Variants in POF1B observed in about 807,000 individuals in gnomAD.
The protein encoded by POF1B is protein POF1B.
Under a neutral mutation model 55.3 loss-of-function variants are expected in POF1B, and 53 were observed. That is an observed-to-expected ratio of 0.96 (90% confidence interval 0.77 to 1.20). POF1B has a LOEUF of 1.20. Ranked by LOEUF, POF1B falls within the 50% of genes most tolerant of loss-of-function variation. The pLI is 0.00. For missense variants in POF1B, 478 were observed against 420.5 expected (o/e 1.14, Z -1.20); for synonymous variants, 188 against 148.3 (o/e 1.27, Z -1.95).
In POF1B at chrX:85,279,305, C is replaced by T. The variant is rs908553818; in HGVS notation, c.*116G>A. ...TTCCATTAGATTTCTTGGGTAGCAGCATGGTTCCAAATTCTGATTGGCCTT... is the reference window on the plus strand; with the variant it reads ...TTCCATTAGATTTCTTGGGTAGCAGTATGGTTCCAAATTCTGATTGGCCTT... On this transcript the variant is annotated 3_prime_UTR_variant, in exon 17 of 17. Transcript: ENST00000262753. The T allele has an allele frequency of 5.5e-6, 4 of 726,297 alleles. No individual in the cohort carries two copies. The highest frequency in any genetic ancestry group is 6.1e-6 in the Non-Finnish European group (3 of 489,409). The allele number at this position is 726,297 out of a possible 1,213,427, so 59.9% of individuals were successfully genotyped here.
chrX:85,288,190 T>C (rs765708174), intron 15 of POF1B, among the ~76,000 whole-genome samples: 63 of 111,464 alleles, frequency 5.7e-4, no homozygotes, highest in Non-Finnish European at 9.8e-4. Flanking sequence ...GTTAAGAACA[T>C]TGAAAGTCTG....
intron 2 of POF1B, among the ~76,000 whole-genome samples, chrX:85,369,904 CTAA>C (rs1345572453): frequency 2.7e-5 from 3 of 111,757 alleles, no homozygotes. Context: ...TAGGCTGGGG[CTAA>C]TAATATTATA....
intron 6 of POF1B, among the ~76,000 whole-genome samples, chrX:85,334,097 G>A (rs1441393376): frequency 1.8e-5 from 2 of 111,055 alleles, no homozygotes; most frequent in Non-Finnish European, 3.8e-5. Flanking sequence ...GCTCTTTGGA[G>A]CTTCTTAATT....
intron 7 of POF1B, among the ~76,000 whole-genome samples, chrX:85,330,638 A>T (rs1321421982): frequency 9.0e-6 from 1 of 111,107 alleles, no homozygotes; most frequent in African/African-American, 3.3e-5. Context: ...ATTAACTCTT[A>T]AAATGAGACA....
chrX:85,283,037 G>T (rs1931943309), intron 15 of POF1B, among the ~76,000 whole-genome samples: 1 of 111,341 alleles, frequency 9.0e-6, no homozygotes. Context: ...GATAAAATTA[G>T]CCTCAAAGTA....
At chrX:85,352,619 A>G (rs968840661) in intron 4 of POF1B, among the ~76,000 whole-genome samples, 2 of 111,542 alleles carry the variant, frequency 1.8e-5, no homozygotes, top group Non-Finnish European at 3.8e-5. Context: ...TATTAAATCT[A>G]AAGCTGGATA....
At chrX:85,363,983 A>C (rs1184608406) in intron 3 of POF1B, among the ~76,000 whole-genome samples, 1 of 111,979 alleles carries the variant, frequency 8.9e-6, no homozygotes, top group Non-Finnish European at 1.9e-5. Flanking sequence ...TTAAATTGAA[A>C]TCTTTACTAT....
intron 5 of POF1B, among the ~76,000 whole-genome samples, chrX:85,348,077 C>G (rs1218194687): frequency 1.8e-5 from 2 of 110,808 alleles, no homozygotes; most frequent in Non-Finnish European, 3.8e-5. Context: ...AAATCAAAAA[C>G]TGTTTCTTAA....
chrX:85,321,354 T>C (rs1932836019), intron 7 of POF1B, among the ~76,000 whole-genome samples: 2 of 110,775 alleles, frequency 1.8e-5, no homozygotes, highest in South Asian at 7.7e-4. Context: ...CATGATTATC[T>C]CAATAGATGC....
At chrX:85,320,312 GA>G (rs1932824277) in intron 7 of POF1B, among the ~76,000 whole-genome samples, 1 of 110,512 alleles carries the variant, frequency 9.0e-6, no homozygotes, top group South Asian at 3.9e-4. Context: ...CAACTACATG[GA>G]AACTGAACAA....
In POF1B at chrX:85,359,573, A is replaced by G; in HGVS notation, c.415T>C (p.Tyr139His). The change falls in exon 4 of 17, where the codon TAT becomes CAT. Residue 139 changes from tyrosine to histidine, a missense_variant. Coordinates refer to ENST00000262753, the MANE Select transcript of POF1B (RefSeq NM_024921.4). ...ACCTGTTCAGGATTTTGTACTACATATTTCCTAATAGTGGTCTGTGGATAT... is the reference window on the plus strand; with the variant it reads ...ACCTGTTCAGGATTTTGTACTACATGTTTCCTAATAGTGGTCTGTGGATAT... ...TTYPQTTIRKYVVQNPEQEPL... is the reference protein window; with the variant it reads ...TTYPQTTIRKHVVQNPEQEPL... 4 of 1,200,679 alleles carry G rather than the reference A, an allele frequency of 3.3e-6. No homozygotes were observed. The highest frequency in any genetic ancestry group is 4.5e-6 in the Non-Finnish European group (4 of 888,927).
chrX:85,315,734 G>A lies in POF1B; in HGVS notation c.855C>T (p.Ser285=). 8.5e-7 allele frequency: 1 copy of A among 1,174,819 alleles called. No homozygotes were observed. Among genetic ancestry groups the A allele is most frequent in the Non-Finnish European group, 1.1e-6 (1 of 878,731 alleles). The change falls in exon 8 of 17, where the codon AGC becomes AGT. Residue 285 remains serine, a splice_region_variant and synonymous_variant. Coordinates refer to ENST00000262753, the MANE Select transcript of POF1B (RefSeq NM_024921.4). ...LLEHLQRIGG[S]KQDFESTDES... is the part of the protein sequence containing the mutation. ...CATCTGTAGACTCAAAGTCCTGTTT[G>A]CTGCAAGAACAAAAAAAAAGATACA... is the stretch of plus-strand genomic sequence containing the variant.
intron 15 of POF1B, among the ~76,000 whole-genome samples, chrX:85,298,598 C>G (rs1191309337): frequency 1.8e-5 from 2 of 111,852 alleles, no homozygotes; most frequent in Non-Finnish European, 3.8e-5. Flanking sequence ...GTTTGAAGTA[C>G]AAACAGATAG....
chrX:85,325,073 T>G (rs1301430163), intron 7 of POF1B, among the ~76,000 whole-genome samples: 1 of 111,979 alleles, frequency 8.9e-6, no homozygotes, highest in Non-Finnish European at 1.9e-5. Flanking sequence ...GCTGGCCCAA[T>G]GAGATTCCCT....
At chrX:85,332,250 T>G (rs1932992099) in intron 6 of POF1B, among the ~76,000 whole-genome samples, 1 of 111,731 alleles carries the variant, frequency 9.0e-6, no homozygotes, top group African/African-American at 3.2e-5. Context: ...TTCCCCCGTT[T>G]ATTATTTAAA....
intron 6 of POF1B, among the ~76,000 whole-genome samples, chrX:85,343,451 A>G (rs1933214265): frequency 9.0e-6 from 1 of 110,922 alleles, no homozygotes; most frequent in African/African-American, 3.3e-5. Context: ...TAATCCTGTC[A>G]TACAGTTCCC....
intron 15 of POF1B, among the ~76,000 whole-genome samples, chrX:85,284,249 C>T (rs1186026928): frequency 3.6e-5 from 4 of 111,432 alleles, no homozygotes; most frequent in Non-Finnish European, 7.5e-5. Context: ...TTTATAGATT[C>T]AATGCCATCC....
At position 85,314,506 on chromosome X, in the gene POF1B, A is replaced by C; in HGVS notation, c.883T>G (p.Ser295Ala). 1 of 1,182,506 alleles carries C rather than the reference A, an allele frequency of 8.5e-7. No homozygotes were observed. The highest frequency in any genetic ancestry group is 3.1e-5 in the East Asian group (1 of 32,564). The change falls in exon 9 of 17, where the codon TCG (serine) becomes GCG (alanine). Residue 295 changes from serine to alanine, a missense_variant and splice_region_variant. Ser to Ala is a moderately conservative substitution (Grantham distance 99, BLOSUM62 1). Transcript: ENST00000262753. ...SKQDFESTDE[S>A]EDIESLIPKG... ...GGAATCAATGATTCAATGTCTTCCG[A>C]CTGTAAGAAAAAAAGGCTTATCCAT...
intron 7 of POF1B, among the ~76,000 whole-genome samples, chrX:85,320,708 G>A (rs1932828711): frequency 9.0e-6 from 1 of 110,987 alleles, no homozygotes; most frequent in South Asian, 3.8e-4. Context: ...GACTAATAAA[G>A]AAGAAAAGAG....
Sources: gnomAD v4.1 joint callset for allele counts (sites outside exome capture counted in the v4.1 genomes callset) on GRCh38, gnomAD v4.1.1 for gene constraint, MANE v1.5 for transcripts, NCBI Gene and HGNC (gene_info 2026-07-23, HGNC 2026-07-21) for gene names.